Variants in CADM1 observed in about 807,000 individuals in gnomAD.
CADM1 encodes TSLC-1.
Under a neutral mutation model 53.1 loss-of-function variants are expected in CADM1, and 15 were observed. That is an observed-to-expected ratio of 0.28 (90% CI 0.19 to 0.44). CADM1 has a LOEUF of 0.44. Among genes scored for constraint, CADM1 ranks in the 20% least tolerant of loss-of-function variants. CADM1 has a pLI of 1.00. For missense variants in CADM1, 434 were observed against 611.3 expected (o/e 0.71, Z 3.06); for synonymous variants, 281 against 243.0 (o/e 1.16, Z -1.45).
intron 1 of CADM1, among the ~76,000 whole-genome samples, chr11:115,414,609 C>A (rs1353560944): frequency 6.6e-6 from 1 of 152,134 alleles, no homozygotes; most frequent in African/African-American, 2.4e-5. Flanking sequence ...CAAGCCAAAT[C>A]ATGAGCCAAA....
chr11:115,250,867 T>A (rs1349403163), intron 1 of CADM1, among the ~76,000 whole-genome samples: 1 of 152,254 alleles, frequency 6.6e-6, no homozygotes, highest in South Asian at 2.1e-4. Flanking sequence ...AATCCAGGTC[T>A]GTTTAACTCT....
intron 1 of CADM1, among the ~76,000 whole-genome samples, chr11:115,478,327 A>G (rs774729329): frequency 6.6e-6 from 1 of 152,176 alleles, no homozygotes; most frequent in Non-Finnish European, 1.5e-5. Flanking sequence ...GATAATCTAA[A>G]GTAAAGGATA....
chr11:115,375,079 G>C (rs536482805), intron 1 of CADM1, among the ~76,000 whole-genome samples: 53 of 152,270 alleles, frequency 3.5e-4, no homozygotes, highest in Non-Finnish European at 7.1e-4. Context: ...AATCTTGATG[G>C]AAAGATAGTA....
At chr11:115,302,936 T>G (rs1944269922) in intron 1 of CADM1, among the ~76,000 whole-genome samples, 1 of 152,048 alleles carries the variant, frequency 6.6e-6, no homozygotes, top group Admixed American at 6.6e-5. Context: ...CCAGTTGCAA[T>G]TACAAGATGC....
chr11:115,251,055 C>T (rs764028559), intron 1 of CADM1, among the ~76,000 whole-genome samples: 1 of 152,190 alleles, frequency 6.6e-6, no homozygotes, highest in African/African-American at 2.4e-5. Context: ...TGAAGCCAAA[C>T]AGCCAATCTA....
At chr11:115,234,385 G>C (rs961751917) in intron 3 of CADM1, among the ~76,000 whole-genome samples, 1 of 152,254 alleles carries the variant, frequency 6.6e-6, no homozygotes, top group Admixed American at 6.5e-5. Context: ...TCCAGATTTC[G>C]TTTGGGGGCT....
At chr11:115,325,373 G>A (rs916086426) in intron 1 of CADM1, among the ~76,000 whole-genome samples, 2 of 152,258 alleles carry the variant, frequency 1.3e-5, no homozygotes, top group Non-Finnish European at 2.9e-5. Context: ...GTGGTGGGGG[G>A]CAGCAGGAAA....
At chr11:115,383,660 T>TC (rs1174491299) in intron 1 of CADM1, among the ~76,000 whole-genome samples, 1 of 151,968 alleles carries the variant, frequency 6.6e-6, no homozygotes, top group African/African-American at 2.4e-5. Flanking sequence ...AATTATCTTT[T>TC]CCCCCCATGA....
At chr11:115,416,021 G>T (rs1434585933) in intron 1 of CADM1, among the ~76,000 whole-genome samples, 1 of 151,972 alleles carries the variant, frequency 6.6e-6, no homozygotes, top group African/African-American at 2.4e-5. Context: ...ACAAACAATG[G>T]TAAGAAAACA....
chr11:115,500,301 G>GACAC (rs145273487), intron 1 of CADM1, among the ~76,000 whole-genome samples: 1 of 150,948 alleles, frequency 6.6e-6, no homozygotes, highest in Non-Finnish European at 1.5e-5. Context: ...GCTAAAAACA[G>GACAC]ACACACACAC....
chr11:115,498,751 G>C (rs577760689), intron 1 of CADM1, among the ~76,000 whole-genome samples: 6 of 152,056 alleles, frequency 3.9e-5, no homozygotes, highest in Non-Finnish European at 8.8e-5. Context: ...GCAAAAATTC[G>C]GTACATCCAG....
intron 1 of CADM1, among the ~76,000 whole-genome samples, chr11:115,242,457 GAGA>G (rs1942272503): frequency 6.6e-6 from 1 of 152,046 alleles, no homozygotes; most frequent in Admixed American, 6.5e-5. Flanking sequence ...AAAGAAAAAG[GAGA>G]AGAAAATTTC....
chr11:115,334,669 G>A (rs897448281), intron 1 of CADM1, among the ~76,000 whole-genome samples: 1 of 151,990 alleles, frequency 6.6e-6, no homozygotes, highest in African/African-American at 2.4e-5. Flanking sequence ...ACATCCACTG[G>A]GGATCTTGGA....
At chr11:115,492,049 A>T (rs187918111) in intron 1 of CADM1, among the ~76,000 whole-genome samples, 84 of 152,216 alleles carry the variant, frequency 5.5e-4, no homozygotes, top group African/African-American at 1.9e-3. Context: ...TACCTATGTA[A>T]CAAACCTGCA....
intron 1 of CADM1, among the ~76,000 whole-genome samples, chr11:115,389,687 T>G (rs1946785718): frequency 6.6e-6 from 1 of 152,092 alleles, no homozygotes; most frequent in Admixed American, 6.6e-5. Context: ...GGAAAAACCT[T>G]AGACAAAAAT....
intron 11 of CADM1, 145 bp downstream of exon 11, chr11:115,178,499 T>TTTCTTTTTTC: frequency 1.2e-6 from 1 of 809,444 alleles, no homozygotes; most frequent in Non-Finnish European, 2.0e-6. Context: ...TTTTTTTTTT[T>TTTCTTTTTTC]TCTCTTCTCT....
intron 1 of CADM1, among the ~76,000 whole-genome samples, chr11:115,370,275 A>C (rs1946277067): frequency 6.6e-6 from 1 of 152,136 alleles, no homozygotes; most frequent in South Asian, 2.1e-4. Context: ...CACAAACTAC[A>C]CAAGTTATAA....
intron 1 of CADM1, among the ~76,000 whole-genome samples, chr11:115,428,544 G>T (rs568608578): frequency 1.6e-4 from 24 of 152,204 alleles, no homozygotes; most frequent in Admixed American, 2.6e-4. Context: ...GTCATAGCTT[G>T]CATCTAAACT....
chr11:115,249,902 T>G (rs1235440286), intron 1 of CADM1, among the ~76,000 whole-genome samples: 1 of 152,172 alleles, frequency 6.6e-6, no homozygotes, highest in Non-Finnish European at 1.5e-5. Flanking sequence ...TCACAATACT[T>G]GCCATTACTA....
Sources: gnomAD v4.1 joint callset for allele counts (sites outside exome capture counted in the v4.1 genomes callset) on GRCh38, gnomAD v4.1.1 for gene constraint, MANE v1.5 for transcripts, NCBI Gene and HGNC (gene_info 2026-07-23, HGNC 2026-07-21) for gene names.